EFCAB8: variants seen among roughly 807,000 people sequenced by gnomAD.
EFCAB8 encodes the protein EF-hand calcium-binding domain-containing protein 8.
Under a neutral mutation model 116.3 loss-of-function variants are expected in EFCAB8, and 100 were observed. That is an observed-to-expected ratio of 0.86 (90% CI 0.73 to 1.02). EFCAB8 has a LOEUF of 1.02. Among genes scored for constraint, EFCAB8 ranks in the 50% least tolerant of loss-of-function variants. The probability of loss-of-function intolerance (pLI) is 0.00; values close to 1 mark genes in which losing one functional copy is unlikely to be tolerated. For synonymous variants in EFCAB8, 558 were observed against 567.9 expected, an observed-to-expected ratio of 0.98 and a Z score of 0.25; for missense variants, 1,320 against 1,416.9, an observed-to-expected ratio of 0.93 and a Z score of 1.10.
intron 20 of EFCAB8, among the ~76,000 whole-genome samples, chr20:32,923,272 G>C (rs972801457): frequency 2.0e-5 from 3 of 152,074 alleles, no homozygotes; most frequent in African/African-American, 7.2e-5. Flanking sequence ...GATTGCCTGA[G>C]CTCAGGAGTT....
At chr20:32,890,175 C>T (rs11697690) in intron 7 of EFCAB8, among the ~76,000 whole-genome samples, 65,979 of 151,822 alleles carry the variant, frequency 0.43, 15,944 homozygotes, top group Middle Eastern at 0.57. Context: ...TGAGCCCTGC[C>T]GCCTCCAGTA....
chr20:32,902,601 G>T (rs1404444362), intron 11 of EFCAB8, among the ~76,000 whole-genome samples: 1 of 152,206 alleles, frequency 6.6e-6, no homozygotes, highest in Non-Finnish European at 1.5e-5. Flanking sequence ...TTAAAAATTA[G>T]CTGGGAGTGT....
chr20:32,875,502 G>GTTTT lies in EFCAB8; in HGVS notation c.209-409_209-406dup, dbSNP rs57620114. On this transcript the variant is annotated intron_variant, in intron 3 of 26. Coordinates refer to ENST00000400522, the MANE Select transcript of EFCAB8 (RefSeq NM_001143967.2). ...CTGAGCACACCTGGTAAACATGGTG[G>GTTTT]TTTTTTTTTTTTTTTTTTGAGACAG... is the stretch of plus-strand genomic sequence containing the variant. Among the ~76,000 whole-genome samples the GTTTT allele has an allele frequency of 2.0e-4, 18 of 89,888 alleles. 1 individual carries two copies. Among genetic ancestry groups the GTTTT allele is most frequent in the Non-Finnish European group, 3.6e-4 (14 of 38,738 alleles). The allele number at this position is 89,888 out of a possible 152,430, so 59.0% of individuals were successfully genotyped here.
chr20:32,883,925 A>G (rs560162251), intron 5 of EFCAB8, among the ~76,000 whole-genome samples: 21 of 152,120 alleles, frequency 1.4e-4, no homozygotes, highest in Non-Finnish European at 2.6e-4. Flanking sequence ...TCCTGACCTC[A>G]AGTGGTCTGC....
intron 11 of EFCAB8, 139 bp downstream of exon 11, chr20:32,898,762 C>T: frequency 1.6e-6 from 1 of 609,754 alleles, no homozygotes. Flanking sequence ...TTGCCAGCAG[C>T]AGCACGGTGA....
At chr20:32,874,151 G>T (rs1193811761) in intron 3 of EFCAB8, among the ~76,000 whole-genome samples, 1 of 151,328 alleles carries the variant, frequency 6.6e-6, no homozygotes, top group Middle Eastern at 3.5e-3. Context: ...AAACTCCTGG[G>T]CTCAAGCCTT....
At chr20:32,936,674 C>T (rs540276662) in intron 22 of EFCAB8, among the ~76,000 whole-genome samples, 160 of 152,252 alleles carry the variant, frequency 1.1e-3, no homozygotes, top group Non-Finnish European at 2.0e-3. Context: ...GTCGATGTGT[C>T]TATTTTTATG....
At position 32,876,315 on chromosome 20, in the gene EFCAB8, C is replaced by T. The variant is rs141402337; in HGVS notation, c.327+271C>T. ...TGCAGCGGTGACCCCACCTGCCACG[C>T]GGCTGTGGTGCCCACCAACCTCCCA... On this transcript the variant is annotated intron_variant, in intron 4 of 26. Coordinates refer to ENST00000400522, the MANE Select transcript of EFCAB8 (RefSeq NM_001143967.2). Among the ~76,000 whole-genome samples, 876 of 152,330 alleles carry T rather than the reference C, an allele frequency of 5.8e-3. 8 individuals carry two copies. The highest frequency in any genetic ancestry group is 0.02 in the African/African-American group (818 of 41,574).
Position 32,896,453 on chromosome 20 carries a change from G to A in EFCAB8, c.884-1G>A. ...TGGACCTTGGTTTTTTCCCCTATCA[G>A]ATCACTGGATCAAAGTTTCCTTGCA... On this transcript the variant is annotated splice_acceptor_variant, in intron 9 of 26. Coordinates refer to ENST00000400522, the MANE Select transcript of EFCAB8 (RefSeq NM_001143967.2). LOFTEE classifies it high-confidence loss of function. The A allele has an allele frequency of 1.4e-6, 1 of 718,912 alleles. No homozygotes were observed. Among genetic ancestry groups the A allele is most frequent in the South Asian group, 1.5e-5 (1 of 67,598 alleles). The allele number at this position is 718,912 out of a possible 1,614,324, so 44.5% of individuals were successfully genotyped here. A position where few individuals can be genotyped will look rare whatever the true frequency, so the allele number is the denominator to read the frequency against.
intron 23 of EFCAB8, among the ~76,000 whole-genome samples, chr20:32,944,539 T>C (rs1401855127): frequency 6.6e-6 from 1 of 152,218 alleles, no homozygotes; most frequent in East Asian, 1.9e-4. Context: ...TATTTTTCTA[T>C]GTGTTTACAT....
intron 9 of EFCAB8, among the ~76,000 whole-genome samples, chr20:32,894,861 C>T (rs745550056): frequency 3.9e-5 from 6 of 152,232 alleles, no homozygotes; most frequent in Non-Finnish European, 8.8e-5. Context: ...AACCACAGCG[C>T]ATCATAAAGC....
intron 20 of EFCAB8, among the ~76,000 whole-genome samples, chr20:32,925,479 A>G (rs1987634919): frequency 1.3e-5 from 2 of 152,198 alleles, no homozygotes; most frequent in Admixed American, 1.3e-4. Flanking sequence ...TCAGCTTTCC[A>G]AAGTGCTGGC....
intron 22 of EFCAB8, among the ~76,000 whole-genome samples, chr20:32,933,918 A>G (rs917550482): frequency 9.9e-5 from 15 of 152,230 alleles, no homozygotes; most frequent in African/African-American, 3.6e-4. Flanking sequence ...CAGAGGTTGC[A>G]GTGAGCCGAG....
At position 32,907,008 on chromosome 20, in the gene EFCAB8, G is replaced by A; in HGVS notation, c.1308+14G>A. On this transcript the variant is annotated intron_variant, in intron 13 of 26. Coordinates refer to ENST00000400522, the MANE Select transcript of EFCAB8 (RefSeq NM_001143967.2). ...TCCAAGGACAAGGTCCGCCCCGACG[G>A]TCCGCCTGACTCCTTCTGTTCCTCA... is the stretch of plus-strand genomic sequence containing the variant. The A allele has an allele frequency of 6.7e-7, 1 of 1,492,272 alleles. No homozygotes were observed. 92.4% of individuals were successfully genotyped at this position (1,492,272 alleles called of 1,614,324 possible).
intron 20 of EFCAB8, among the ~76,000 whole-genome samples, chr20:32,922,162 A>G (rs1987489450): frequency 6.6e-6 from 1 of 152,170 alleles, no homozygotes; most frequent in African/African-American, 2.4e-5. Flanking sequence ...CCACTGCTGC[A>G]TAACTTGGAT....
chr20:32,860,876 C>T (rs1984078918), intron 1 of EFCAB8, among the ~76,000 whole-genome samples: 1 of 151,950 alleles, frequency 6.6e-6, no homozygotes, highest in South Asian at 2.1e-4. Flanking sequence ...GTAGCTGGGA[C>T]TACAGGGGAG....
chr20:32,889,512 C>A (rs1240342217), intron 7 of EFCAB8, 106 bp downstream of exon 7: 4 of 1,155,914 alleles, frequency 3.5e-6, no homozygotes, highest in Non-Finnish European at 5.0e-6. Flanking sequence ...GGATCAGAGC[C>A]CCCTGGGAGG....
At chr20:32,947,291 T>G (rs1472601273) in intron 23 of EFCAB8, among the ~76,000 whole-genome samples, 1 of 152,242 alleles carries the variant, frequency 6.6e-6, no homozygotes, top group Non-Finnish European at 1.5e-5. Flanking sequence ...CAATATTCTC[T>G]CAATTTATAA....
chr20:32,878,621 C>T, intron 4 of EFCAB8, 83 bp from the exon 5 acceptor site: 1 of 1,120,180 alleles, frequency 8.9e-7, no homozygotes. Context: ...GGGTTCACGC[C>T]ATTCTCCTGC....
Sources: allele counts gnomAD v4.1 joint callset (sites outside exome capture counted in the v4.1 genomes callset), GRCh38; gene constraint gnomAD v4.1.1; transcripts MANE v1.5; gene names NCBI Gene and HGNC (gene_info 2026-07-23, HGNC 2026-07-21).